UBE2W: variants seen among roughly 807,000 people sequenced by gnomAD.
UBE2W encodes ubiquitin conjugating enzyme E2 W, also known as ubiquitin-conjugating enzyme E2 W.
In UBE2W, 18 loss-of-function variants were observed where a neutral mutation model predicts 27.2. The observed-to-expected ratio is 0.66, with a 90% CI of 0.46 to 0.98. The LOEUF (loss-of-function observed/expected upper bound fraction) is 0.98, where lower values mean the gene tolerates loss of function less well. Ranked by LOEUF, UBE2W falls within the 50% of genes least tolerant of loss-of-function variation. The probability of loss-of-function intolerance (pLI) is 0.00; values close to 1 mark genes in which losing one functional copy is unlikely to be tolerated. For synonymous variants in UBE2W, 53 were observed against 57.2 expected, an observed-to-expected ratio of 0.93 and a Z score of 0.33; for missense variants, 90 against 180.2, an observed-to-expected ratio of 0.50 and a Z score of 2.87.
intron 1 of UBE2W, among the ~76,000 whole-genome samples, chr8:73,853,294 T>C (rs1275346544): frequency 1.3e-5 from 2 of 152,138 alleles, no homozygotes; most frequent in South Asian, 2.1e-4. Flanking sequence ...AAATAGTTGG[T>C]TAGATGGATT....
At chr8:73,795,877 T>C in intron 5 of UBE2W, 1 of 588,486 alleles carries the variant, frequency 1.7e-6, no homozygotes, top group Non-Finnish European at 2.1e-6. Context: ...GGCCCAGGAG[T>C]TCAAGACCAG....
intron 1 of UBE2W, among the ~76,000 whole-genome samples, chr8:73,846,619 C>CA (rs1198367584): frequency 1.3e-5 from 2 of 151,948 alleles, no homozygotes; most frequent in Non-Finnish European, 2.9e-5. Flanking sequence ...GACCAACTTA[C>CA]AAAAAAAATT....
chr8:73,870,142 GATT>G, intron 1 of UBE2W: 2 of 986,800 alleles, frequency 2.0e-6, no homozygotes, highest in Non-Finnish European at 3.1e-6. Context: ...TTTATATGTG[GATT>G]ATATTTCAAT....
chr8:73,814,281 C>A (rs1056827561), intron 3 of UBE2W, among the ~76,000 whole-genome samples: 3 of 152,164 alleles, frequency 2.0e-5, no homozygotes, highest in African/African-American at 7.2e-5. Flanking sequence ...ACAAAACTGA[C>A]TAGAACCGAT....
At chr8:73,850,748 A>C (rs1811042159) in intron 1 of UBE2W, among the ~76,000 whole-genome samples, 1 of 151,062 alleles carries the variant, frequency 6.6e-6, no homozygotes. Flanking sequence ...AAAAAAAAAA[A>C]AACAGGACAC....
chr8:73,828,278 C>T, intron 2 of UBE2W, among the ~76,000 whole-genome samples: 2 of 152,092 alleles, frequency 1.3e-5, no homozygotes, highest in East Asian at 3.8e-4. Context: ...GGAGGAAAAA[C>T]TGGCTTTGGT....
chr8:73,818,791 T>C (rs781245156), intron 3 of UBE2W, among the ~76,000 whole-genome samples: 2 of 152,214 alleles, frequency 1.3e-5, no homozygotes, highest in Non-Finnish European at 2.9e-5. Flanking sequence ...CACTGACTCT[T>C]GTTCCCACTC....
intron 5 of UBE2W, among the ~76,000 whole-genome samples, chr8:73,794,673 G>A (rs534030264): frequency 1.3e-4 from 20 of 151,814 alleles, no homozygotes; most frequent in Non-Finnish European, 2.6e-4. Context: ...AGGCCGAGGC[G>A]GGCGGATCAC....
At chr8:73,866,654 T>C (rs1409669798) in intron 1 of UBE2W, among the ~76,000 whole-genome samples, 1 of 152,132 alleles carries the variant, frequency 6.6e-6, no homozygotes, top group Admixed American at 6.6e-5. Flanking sequence ...AATGATTTCT[T>C]AGATATGACA....
chr8:73,802,025 G>A (rs1449897176), intron 5 of UBE2W, among the ~76,000 whole-genome samples: 3 of 152,200 alleles, frequency 2.0e-5, no homozygotes, highest in Non-Finnish European at 4.4e-5. Flanking sequence ...ACAGATGGCA[G>A]ACTAAGAAAC....
intron 1 of UBE2W, among the ~76,000 whole-genome samples, chr8:73,847,894 C>T (rs1384312529): frequency 6.7e-6 from 1 of 148,182 alleles, no homozygotes; most frequent in Non-Finnish European, 1.5e-5. Flanking sequence ...AAGAGTGAAA[C>T]TCTGTCTCAA....
rs11354153 is a variant in UBE2W, at chr8:73,865,180, C to CAAA, written c.15+13625_15+13627dup. ...CACTGCTCTTTAAGTGTGCAAACGT[C>CAAA]AAAAAAAAAAAAAAAAAAAAAAAAA... is the stretch of plus-strand genomic sequence containing the variant. On this transcript the variant is annotated intron_variant, in intron 1 of 5. Coordinates refer to ENST00000602593, the MANE Select transcript of UBE2W (RefSeq NM_018299.6). Among the ~76,000 whole-genome samples the CAAA allele has an allele frequency of 3.3e-3, 107 of 32,836 alleles. 18 individuals are homozygous for CAAA. The highest frequency in any genetic ancestry group is 8.0e-3 in the African/African-American group (95 of 11,924). 21.5% of individuals were successfully genotyped at this position (32,836 alleles called of 152,430 possible).
At chr8:73,858,384 A>G (rs1260265689) in intron 1 of UBE2W, among the ~76,000 whole-genome samples, 3 of 150,444 alleles carry the variant, frequency 2.0e-5, no homozygotes, top group Non-Finnish European at 3.0e-5. Context: ...AAAAAAGAAC[A>G]TAAAATATAT....
downstream of UBE2W, chr8:73,786,179 T>TA: frequency 1.0e-6 from 1 of 974,258 alleles, no homozygotes; most frequent in Non-Finnish European, 1.2e-6. Context: ...GCCTCAGAGA[T>TA]AAAGATATGA....
At chr8:73,840,230 G>T (rs189785530) in intron 1 of UBE2W, among the ~76,000 whole-genome samples, 19 of 151,312 alleles carry the variant, frequency 1.3e-4, no homozygotes, top group Non-Finnish European at 2.2e-4. Context: ...CTAATTTTTT[G>T]TATTTTTAGT....
chr8:73,856,823 A>T (rs1303574080), intron 1 of UBE2W, among the ~76,000 whole-genome samples: 1 of 151,986 alleles, frequency 6.6e-6, no homozygotes, highest in African/African-American at 2.4e-5. Context: ...CTTGTGCCTC[A>T]GCCTCCCAAG....
downstream of UBE2W, among the ~76,000 whole-genome samples, chr8:73,781,926 CTCCTTTTTTTTTTTTT>C (rs1316304063): frequency 3.1e-5 from 4 of 128,596 alleles, no homozygotes; most frequent in East Asian, 2.4e-4. Flanking sequence ...TACTAAAAGC[CTCCTTTTTTTTTTTTT>C]TTTTTTTTTT....
intron 1 of UBE2W, among the ~76,000 whole-genome samples, chr8:73,863,142 G>A (rs1261229770): frequency 1.5e-4 from 21 of 142,260 alleles, no homozygotes; most frequent in Admixed American, 4.1e-4. Context: ...TGTTTATTGC[G>A]GCATTATTCA....
Position 73,788,376 on chromosome 8 carries a change from C to G in UBE2W, c.*5726G>C. The stretch of plus-strand genomic sequence containing the variant: ...CATTCCTATTAATAAAATGCACACT[C>G]TGTAGTTCTGAATAATAAAAGGAAA... On this transcript the variant is annotated 3_prime_UTR_variant, in exon 6 of 6. Coordinates refer to ENST00000602593, the MANE Select transcript of UBE2W (RefSeq NM_018299.6). 1 of 985,412 alleles carries G rather than the reference C, an allele frequency of 1.0e-6. No individual in the cohort carries two copies. Among genetic ancestry groups the G allele is most frequent in the South Asian group, 4.7e-5 (1 of 21,292 alleles). 61.0% of individuals were successfully genotyped at this position (985,412 alleles called of 1,614,324 possible).
Sources: allele counts gnomAD v4.1 joint callset (sites outside exome capture counted in the v4.1 genomes callset), GRCh38; gene constraint gnomAD v4.1.1; transcripts MANE v1.5; gene names NCBI Gene and HGNC (gene_info 2026-07-23, HGNC 2026-07-21).